The following PDK1 variants were observed in gnomAD, a reference collection of about 807,000 sequenced individuals.
PDK1 encodes the protein [Pyruvate dehydrogenase (acetyl-transferring)] kinase isozyme 1, mitochondrial.
In PDK1, 39 loss-of-function variants were observed where a neutral mutation model predicts 54.2. The ratio of observed to expected loss-of-function variants is 0.72; its 90% CI spans 0.56 to 0.94. The LOEUF (loss-of-function observed/expected upper bound fraction) is 0.94. PDK1 is among the 40% of genes least tolerant of loss of function. The pLI, the probability that PDK1 is intolerant of heterozygous loss-of-function variation, is 0.00. For synonymous variants in PDK1, 221 were observed against 207.1 expected, an observed-to-expected ratio of 1.07 and a Z score of -0.58; for missense variants, 552 against 566.0, an observed-to-expected ratio of 0.98 and a Z score of 0.25.
chr2:172,668,960 A>T, the PDK1 span, among the ~76,000 whole-genome samples: 6 of 148,082 alleles, frequency 4.1e-5, no homozygotes, highest in East Asian at 1.3e-3. Context: ...GACGGAGTAA[A>T]CTCATACAAT....
chr2:172,647,917 T>C, the PDK1 span, among the ~76,000 whole-genome samples: 109 of 152,288 alleles, frequency 7.2e-4, no homozygotes, highest in Non-Finnish European at 2.2e-4. Context: ...TAATAAGACA[T>C]AAGGAAGGTC....
At chr2:172,556,521 C>T (rs10930561) in intron 1 of PDK1, 175 bp downstream of exon 1, 18,736 of 462,288 alleles carry the variant, frequency 0.041, 801 homozygotes, top group East Asian at 0.17. Flanking sequence ...AGTGCCGGCG[C>T]TGGCTGGCGG....
the PDK1 span, among the ~76,000 whole-genome samples, chr2:172,622,676 T>TATTATGTGAGATATGTTTATATCTC: frequency 7.9e-6 from 1 of 126,466 alleles, no homozygotes; most frequent in Non-Finnish European, 1.8e-5. Flanking sequence ...TTATATCTCA[T>TATTATGTGAGATATGTTTATATCTC]ATATTATGTG....
At chr2:172,615,257 C>G in the PDK1 span, among the ~76,000 whole-genome samples, 1 of 152,200 alleles carries the variant, frequency 6.6e-6, no homozygotes, top group Admixed American at 6.5e-5. Context: ...ATGCTCTACT[C>G]TGAAAACAGC....
intron 9 of PDK1, among the ~76,000 whole-genome samples, chr2:172,587,068 G>T (rs908499585): frequency 6.6e-6 from 1 of 152,124 alleles, no homozygotes; most frequent in Non-Finnish European, 1.5e-5. Context: ...TAACATGATG[G>T]GGGTATAGTA....
At chr2:172,571,823 C>CGTTTTTTTTTTTTT (rs765005051) in intron 8 of PDK1, among the ~76,000 whole-genome samples, 6 of 99,798 alleles carry the variant, frequency 6.0e-5, no homozygotes, top group African/African-American at 2.3e-4. Flanking sequence ...TCTTTCTTTA[C>CGTTTTTTTTTTTTT]TTTTTTTTTT....
At position 172,601,071 on chromosome 2, in the gene PDK1, C is replaced by T. The variant is rs756165482; in HGVS notation, c.*5102C>T. 1 of 152,282 alleles carries T rather than the reference C, an allele frequency of 6.6e-6. No individual in the cohort carries two copies. The highest frequency in any genetic ancestry group is 2.4e-5 in the African/African-American group (1 of 41,562). The allele number at this position is 152,282 out of a possible 1,614,324, so 9.4% of individuals were successfully genotyped here. On this transcript the variant is annotated 3_prime_UTR_variant, in exon 11 of 11. Coordinates refer to ENST00000282077, the MANE Select transcript of PDK1 (RefSeq NM_002610.5). The stretch of plus-strand genomic sequence containing the variant: ...AAAGAAAAGTTTTCTGCCGGGGACT[C>T]GCTTTACCCTGTCTACCTAAATTCT...
At chr2:172,696,211 C>T in the PDK1 span, among the ~76,000 whole-genome samples, 1 of 150,856 alleles carries the variant, frequency 6.6e-6, no homozygotes, top group Non-Finnish European at 1.5e-5. Flanking sequence ...CTTAGGAGAG[C>T]ATTCTTCCCC....
At chr2:172,619,043 G>A in the PDK1 span, among the ~76,000 whole-genome samples, 2 of 152,290 alleles carry the variant, frequency 1.3e-5, no homozygotes, top group South Asian at 2.1e-4. Flanking sequence ...AAGTAATGCA[G>A]GTTTTTCTTC....
chr2:172,704,466 CAG>C, the PDK1 span, among the ~76,000 whole-genome samples: 1 of 152,116 alleles, frequency 6.6e-6, no homozygotes, highest in Non-Finnish European at 1.5e-5. Context: ...TTGAGAATCA[CAG>C]GGAATGCCAA....
At chr2:172,695,454 A>T in the PDK1 span, among the ~76,000 whole-genome samples, 33,098 of 152,146 alleles carry the variant, frequency 0.22, 4,115 homozygotes, top group African/African-American at 0.34. Context: ...AAGGGGAAAA[A>T]GAAACTCAAG....
chr2:172,673,787 T>C, the PDK1 span, among the ~76,000 whole-genome samples: 1 of 152,236 alleles, frequency 6.6e-6, no homozygotes, highest in African/African-American at 2.4e-5. Context: ...GACACTGCTT[T>C]GCCAGACACC....
At chr2:172,660,955 T>C in the PDK1 span, among the ~76,000 whole-genome samples, 3 of 152,048 alleles carry the variant, frequency 2.0e-5, no homozygotes, top group African/African-American at 7.2e-5. Context: ...GCTCTGTAGA[T>C]GGTAGTGATA....
chr2:172,568,272 G>A (rs565948710), intron 6 of PDK1, among the ~76,000 whole-genome samples: 2 of 138,804 alleles, frequency 1.4e-5, no homozygotes, highest in African/African-American at 5.6e-5. Context: ...AGGTTGCAGT[G>A]AGCCAAGATC....
At chr2:172,566,320 T>C (rs1005041157) in intron 5 of PDK1, among the ~76,000 whole-genome samples, 5 of 152,142 alleles carry the variant, frequency 3.3e-5, no homozygotes, top group African/African-American at 1.2e-4. Context: ...TTTGGAAGGC[T>C]GAAGCGGGTG....
At chr2:172,556,529 C>T (rs931920770) in intron 1 of PDK1, 183 bp downstream of exon 1, 4 of 454,664 alleles carry the variant, frequency 8.8e-6, no homozygotes, top group African/African-American at 2.1e-5. Context: ...CGCTGGCTGG[C>T]GGCGTAAATA....
intron 9 of PDK1, among the ~76,000 whole-genome samples, chr2:172,590,683 T>C (rs983477717): frequency 1.3e-5 from 2 of 152,130 alleles, no homozygotes; most frequent in African/African-American, 4.8e-5. Context: ...GTTTCCGCAG[T>C]GTGGAAGGGG....
the PDK1 span, among the ~76,000 whole-genome samples, chr2:172,683,563 C>T: frequency 6.6e-6 from 1 of 152,052 alleles, no homozygotes; most frequent in African/African-American, 2.4e-5. Flanking sequence ...AATTCATCTC[C>T]AAGTGAAGAT....
chr2:172,653,339 A>G, the PDK1 span, among the ~76,000 whole-genome samples: 1 of 152,198 alleles, frequency 6.6e-6, no homozygotes, highest in African/African-American at 2.4e-5. Flanking sequence ...GCAGTGGCTC[A>G]TGCCTGTAAT....
Sources: gnomAD v4.1 joint callset for allele counts (sites outside exome capture counted in the v4.1 genomes callset) on GRCh38, gnomAD v4.1.1 for gene constraint, MANE v1.5 for transcripts, NCBI Gene and HGNC (gene_info 2026-07-23, HGNC 2026-07-21) for gene names.